Variants in CD59 observed in about 807,000 individuals in gnomAD.
CD59 encodes the protein CD59 molecule (CD59 blood group).
In CD59, 3 loss-of-function variants were observed where a neutral mutation model predicts 7.0. The observed-to-expected ratio is 0.43, with a 90% CI of 0.19 to 1.10. The LOEUF (loss-of-function observed/expected upper bound fraction) is 1.10, where lower values mean the gene tolerates loss of function less well. Ranked by LOEUF, CD59 falls within the 50% of genes least tolerant of loss-of-function variation. CD59 has a pLI of 0.29. For synonymous variants in CD59, 60 were observed against 62.0 expected (o/e 0.97, Z 0.15); for missense variants, 143 against 151.0 (o/e 0.95, Z 0.28).
chr11:33,727,209 G>C (rs548451408), intron 1 of CD59, among the ~76,000 whole-genome samples: 1 of 152,256 alleles, frequency 6.6e-6, no homozygotes, highest in Admixed American at 6.5e-5. Context: ...AAACCTGGCA[G>C]AGACACAACA....
chr11:33,710,902 C>T (rs1389846187), intron 3 of CD59, among the ~76,000 whole-genome samples: 2 of 151,396 alleles, frequency 1.3e-5, no homozygotes, highest in African/African-American at 4.9e-5. Flanking sequence ...CAGAAAAAAA[C>T]CTGAAAAACC....
chr11:33,709,163 G>A lies in CD59; in HGVS notation c.*963C>T, dbSNP rs1590511393. 6.6e-6 allele frequency: 1 copy of A among 152,258 alleles called. No individual in the cohort carries two copies. Among genetic ancestry groups the A allele is most frequent in the African/African-American group, 2.4e-5 (1 of 41,466 alleles). 9.4% of individuals were successfully genotyped at this position (152,258 alleles called of 1,614,324 possible). ...ACAATCTATGCTGAGTCAGCTAGGAGTTAGCAGGAGGCTGGATGCAGATGG... is the reference window on the plus strand; with the variant it reads ...ACAATCTATGCTGAGTCAGCTAGGAATTAGCAGGAGGCTGGATGCAGATGG... On this transcript the variant is annotated 3_prime_UTR_variant, in exon 4 of 4. Coordinates refer to ENST00000642928, the MANE Select transcript of CD59 (RefSeq NM_000611.6).
At chr11:33,735,870 C>A (rs4142962) in intron 1 of CD59, among the ~76,000 whole-genome samples, 1 of 151,440 alleles carries the variant, frequency 6.6e-6, no homozygotes, top group African/African-American at 2.4e-5. Context: ...GAACCCAGAT[C>A]GCGCCACTGC....
In CD59 at chr11:33,704,335, G is replaced by A. The variant is rs1853222839; in HGVS notation, c.*5791C>T. The A allele has an allele frequency of 1.3e-5, 2 of 152,178 alleles. No homozygotes were observed. The highest frequency in any genetic ancestry group is 2.4e-5 in the African/African-American group (1 of 41,424). The allele number at this position is 152,178 out of a possible 1,614,324, so 9.4% of individuals were successfully genotyped here. A position where few individuals can be genotyped will look rare whatever the true frequency, so the allele number is the denominator to read the frequency against. ...GGACATATGTATAAGCAGTGCCAGG[G>A]ACAACTAGTAGGTGGTCATTGGAGT... On this transcript the variant is annotated 3_prime_UTR_variant, in exon 4 of 4. Coordinates refer to ENST00000642928, the MANE Select transcript of CD59 (RefSeq NM_000611.6).
At chr11:33,724,878 G>T (rs184689329) in intron 1 of CD59, among the ~76,000 whole-genome samples, 2 of 151,968 alleles carry the variant, frequency 1.3e-5, no homozygotes, top group African/African-American at 4.8e-5. Context: ...AGATGCCAAG[G>T]TCGGGCTGTT....
chr11:33,725,819 G>C (rs982113880), intron 1 of CD59, among the ~76,000 whole-genome samples: 1 of 152,132 alleles, frequency 6.6e-6, no homozygotes, highest in East Asian at 1.9e-4. Context: ...GGCGTGGAAG[G>C]CTACTCACAA....
At chr11:33,720,967 A>C (rs941810806) in intron 2 of CD59, among the ~76,000 whole-genome samples, 14 of 152,336 alleles carry the variant, frequency 9.2e-5, no homozygotes, top group South Asian at 6.2e-4. Flanking sequence ...GCACCCCAAG[A>C]CTTGTCACAG....
rs1854113985 is a variant in CD59, at chr11:33,722,438, A to T, written c.8T>A (p.Ile3Asn). The change falls in exon 2 of 4, where the codon ATC becomes AAC. Residue 3 changes from isoleucine (I) to asparagine (N), a missense_variant. Ile to Asn is a moderately radical substitution (Grantham distance 149). Transcript: ENST00000642928. ...CCCGAACAGGACAGACCCTCCTTGG[A>T]TTCCCATTGTGATTGTCCACAGAAC... is the stretch of plus-strand genomic sequence containing the variant. MG[I>N]QGGSVLFGLL... 1 of 1,613,936 alleles carries T rather than the reference A, an allele frequency of 6.2e-7. No individual in the cohort carries two copies. The highest frequency in any genetic ancestry group is 1.7e-5 in the Admixed American group (1 of 59,994).
chr11:33,724,697 C>T (rs945478068), intron 1 of CD59, among the ~76,000 whole-genome samples: 1 of 152,080 alleles, frequency 6.6e-6, no homozygotes, highest in Admixed American at 6.5e-5. Flanking sequence ...GTTGAATGAG[C>T]AGGGGAGACC....
intron 3 of CD59, among the ~76,000 whole-genome samples, chr11:33,715,925 C>T (rs1438297534): frequency 6.6e-6 from 1 of 152,180 alleles, no homozygotes; most frequent in African/African-American, 2.4e-5. Context: ...AGTAATTGCC[C>T]TTATCGTCTC....
rs1445702066 is a variant in CD59, at chr11:33,704,997, G to C, written c.*5129C>G. On this transcript the variant is annotated 3_prime_UTR_variant, in exon 4 of 4. Transcript: ENST00000642928. ...AAAAGTTTCTAAAAAATGCAGAGCA[G>C]CCTTTATTCTTGTTTTCCCAGGTAA... 1 of 152,246 alleles carries C rather than the reference G, an allele frequency of 6.6e-6. No homozygotes were observed. Among genetic ancestry groups the C allele is most frequent in the East Asian group, 1.9e-4 (1 of 5,194 alleles). The allele number at this position is 152,246 out of a possible 1,614,324, so 9.4% of individuals were successfully genotyped here.
Position 33,703,902 on chromosome 11 carries a change from T to C in CD59, c.*6224A>G, listed in dbSNP as rs969657637. On this transcript the variant is annotated 3_prime_UTR_variant, in exon 4 of 4. Coordinates refer to ENST00000642928, the MANE Select transcript of CD59 (RefSeq NM_000611.6). Reference sequence around the variant, plus strand: ...CTGACTCATTGCAGTTGGCACTAATTTTCCATTGCCACAGCCCTCTCCAGC... The same window carrying C: ...CTGACTCATTGCAGTTGGCACTAATCTTCCATTGCCACAGCCCTCTCCAGC... The C allele has an allele frequency of 6.6e-6, 1 of 152,212 alleles. No homozygotes were observed. Among genetic ancestry groups the C allele is most frequent in the African/African-American group, 2.4e-5 (1 of 41,422 alleles). 9.4% of individuals were successfully genotyped at this position (152,212 alleles called of 1,614,324 possible).
intron 2 of CD59, 141 bp downstream of exon 2, chr11:33,722,238 T>C (rs546830608): frequency 1.0e-4 from 73 of 712,066 alleles, no homozygotes; most frequent in Non-Finnish European, 1.6e-4. Context: ...GGAGCTGTCA[T>C]ACAACCCCAG....
In CD59 at chr11:33,706,864, C is replaced by T. The variant is rs1853331617; in HGVS notation, c.*3262G>A. ...TGATTTCTTCAAAGTAAAAAGGCAC[C>T]AGGGACCCATTCTAGACTTTCCAAA... is the stretch of plus-strand genomic sequence containing the variant. On this transcript the variant is annotated 3_prime_UTR_variant, in exon 4 of 4. Coordinates refer to ENST00000642928, the MANE Select transcript of CD59 (RefSeq NM_000611.6). 6.6e-6 allele frequency: 1 copy of T among 152,138 alleles called. No homozygotes were observed. The highest frequency in any genetic ancestry group is 2.4e-5 in the African/African-American group (1 of 41,412). 9.4% of individuals were successfully genotyped at this position (152,138 alleles called of 1,614,324 possible). A position where few individuals can be genotyped will look rare whatever the true frequency, so the allele number is the denominator to read the frequency against.
chr11:33,707,514 C>G lies in CD59; in HGVS notation c.*2612G>C, dbSNP rs947445122. ...TTCCTTGCACCCCTAGCTCATCCCC[C>G]CAAGGGGACAATCCAATGGGCTTAT... On this transcript the variant is annotated 3_prime_UTR_variant, in exon 4 of 4. Coordinates refer to ENST00000642928, the MANE Select transcript of CD59 (RefSeq NM_000611.6). 1 of 152,274 alleles carries G rather than the reference C, an allele frequency of 6.6e-6. No individual in the cohort carries two copies. The highest frequency in any genetic ancestry group is 1.9e-4 in the East Asian group (1 of 5,204). The allele number at this position is 152,274 out of a possible 1,614,324, so 9.4% of individuals were successfully genotyped here. A position where few individuals can be genotyped will look rare whatever the true frequency, so the allele number is the denominator to read the frequency against.
chr11:33,718,211 A>C (rs1291325954), intron 2 of CD59: 1 of 153,448 alleles, frequency 6.5e-6, no homozygotes. Flanking sequence ...GGCCAGGCGC[A>C]GTGGCTCACG....
chr11:33,706,617 A>G lies in CD59; in HGVS notation c.*3509T>C, dbSNP rs1385977504. 1 of 151,868 alleles carries G rather than the reference A, an allele frequency of 6.6e-6. No homozygotes were observed. Among genetic ancestry groups the G allele is most frequent in the Non-Finnish European group, 1.5e-5 (1 of 67,974 alleles). The allele number at this position is 151,868 out of a possible 1,614,324, so 9.4% of individuals were successfully genotyped here. Reference sequence around the variant, plus strand: ...AATTAGTGGAAGAGGGTTTGAACCCAGGTTCCTAACTACAAAATCCACGGG... The same window carrying G: ...AATTAGTGGAAGAGGGTTTGAACCCGGGTTCCTAACTACAAAATCCACGGG... On this transcript the variant is annotated 3_prime_UTR_variant, in exon 4 of 4. Coordinates refer to ENST00000642928, the MANE Select transcript of CD59 (RefSeq NM_000611.6).
At chr11:33,724,006 G>A (rs188171056) in intron 1 of CD59, among the ~76,000 whole-genome samples, 124 of 152,348 alleles carry the variant, frequency 8.1e-4, no homozygotes, top group African/African-American at 2.9e-3. Context: ...CTACTTGGGA[G>A]GCTGAGGTGG....
In CD59 at chr11:33,736,239, G is replaced by A. The variant is rs1854571778; in HGVS notation, c.-19+143C>T. 6.6e-6 allele frequency: 1 copy of A among 152,400 alleles called. No individual in the cohort carries two copies. The highest frequency in any genetic ancestry group is 2.4e-5 in the African/African-American group (1 of 41,476). 9.4% of individuals were successfully genotyped at this position (152,400 alleles called of 1,614,324 possible). On this transcript the variant is annotated intron_variant, in intron 1 of 3. Transcript: ENST00000642928. This position sits in a 1 kb window ranked among gnomAD's most constrained non-coding sequence, Gnocchi z 4.4. ...CCGCGGTGACGGGTTGGAAGGGCCA[G>A]GCCTCGGGAGGCTCGCCCGGCAGGG...
Sources: gnomAD v4.1 joint callset for allele counts (sites outside exome capture counted in the v4.1 genomes callset) on GRCh38, gnomAD v4.1.1 for gene constraint, Gnocchi (gnomAD v3.1) non-coding constraint, MANE v1.5 for transcripts, NCBI Gene and HGNC (gene_info 2026-07-23, HGNC 2026-07-21) for gene names.